The following TLE2 variants were observed in gnomAD, a reference collection of about 807,000 sequenced individuals.
TLE2 encodes the protein TLE family member 2, transcriptional corepressor.
Under a neutral mutation model 97.2 loss-of-function variants are expected in TLE2, and 74 were observed. The observed-to-expected ratio is 0.76, with a 90% confidence interval of 0.63 to 0.92. The LOEUF is 0.92. Among genes scored for constraint, TLE2 ranks in the 40% least tolerant of loss-of-function variants. TLE2 has a pLI of 0.00. For synonymous variants in TLE2, 499 were observed against 432.1 expected, an observed-to-expected ratio of 1.15 and a Z score of -1.92; for missense variants, 1,038 against 1,008.7, an observed-to-expected ratio of 1.03 and a Z score of -0.39.
chr19:3,018,841 C>T (rs1282390940), intron 7 of TLE2, among the ~76,000 whole-genome samples: 2 of 152,068 alleles, frequency 1.3e-5, no homozygotes, highest in African/African-American at 4.8e-5. Flanking sequence ...TGCTCTCGAA[C>T]TCCTGGCCTC....
At position 3,040,127 on chromosome 19, in the gene TLE2, A is replaced by G. The variant is rs151107177; in HGVS notation, c.63+5599T>C. Reference sequence around the variant, plus strand: ...TTCTGGTCATTGCAGCAACCCCATCACCCACACCACGTGTAACCCCTCTGT... The same window carrying G: ...TTCTGGTCATTGCAGCAACCCCATCGCCCACACCACGTGTAACCCCTCTGT... On this transcript the variant is annotated intron_variant, in intron 1 of 18. Coordinates refer to the TLE2 transcript ENST00000426948. Among the ~76,000 whole-genome samples, 500 of 152,018 alleles carry G rather than the reference A, an allele frequency of 3.3e-3. 7 individuals are homozygous for G. The highest frequency in any genetic ancestry group is 4.5e-3 in the Non-Finnish European group (309 of 67,954).
chr19:3,029,341 GCCCCGCGCCCACCCCCGCGCACCGCCCCT>G (rs1424792392), upstream of TLE2: 1 of 134,684 alleles, frequency 7.4e-6, no homozygotes, highest in Non-Finnish European at 1.6e-5. Context: ...CCCGCGGCCC[GCCCCGCGCCCACCCCCGCGCACCGCCCCT>G]CCCCGCGCCC....
At chr19:3,015,058 C>CAA (rs34658846) in intron 9 of TLE2, among the ~76,000 whole-genome samples, 23,163 of 130,152 alleles carry the variant, frequency 0.18, 2,472 homozygotes, top group African/African-American at 0.24. Flanking sequence ...AATTCATTGC[C>CAA]AAAAAAAAAA....
rs533321187 is a variant in TLE2, at chr19:3,006,583, C to G, written c.1337G>C (p.Arg446Pro). The G allele has an allele frequency of 6.2e-7, 1 of 1,605,920 alleles. No homozygotes were observed. Among genetic ancestry groups the G allele is most frequent in the East Asian group, 2.2e-5 (1 of 44,472 alleles). ...CAGCGTGTGCAGCTGCCGGGCGTGC[C>G]GCGGGATGCCCGCGCCTACCAGTGC... ...SDALVGAGIP[R>P]HARQLHTLAH... Residue 446 changes from arginine (R) to proline (P), a missense_variant, in exon 15 of 20, where the codon CGG becomes CCG. By Grantham distance (103) the Arg-to-Pro change is moderately radical. Coordinates refer to ENST00000262953, the MANE Select transcript of TLE2 (RefSeq NM_003260.5).
intron 1 of TLE2, among the ~76,000 whole-genome samples, chr19:3,040,642 C>A (rs1451213905): frequency 6.6e-6 from 1 of 150,398 alleles, no homozygotes; most frequent in Non-Finnish European, 1.5e-5. Context: ...CCCGGCACAG[C>A]ATTTTGTTTT....
chr19:3,025,318 C>A, intron 4 of TLE2: 1 of 1,283,848 alleles, frequency 7.8e-7, no homozygotes, highest in Non-Finnish European at 1.0e-6. Context: ...AAGACCAGGG[C>A]TGAGGTCCTA....
intron 14 of TLE2, among the ~76,000 whole-genome samples, chr19:3,008,432 G>T (rs1190068243): frequency 6.6e-6 from 1 of 151,636 alleles, no homozygotes; most frequent in African/African-American, 2.4e-5. Flanking sequence ...AGTAGCTTAT[G>T]CAAGAGACTT....
At chr19:3,000,832 T>C (rs1195209789) in intron 18 of TLE2, 109 bp from the exon 19 acceptor site, 2 of 748,142 alleles carry the variant, frequency 2.7e-6, no homozygotes, top group Non-Finnish European at 4.3e-6. Flanking sequence ...CCCTTTTTTT[T>C]TTTTTTTTTC....
chr19:3,027,723 G>A (rs774295464), intron 4 of TLE2, 106 bp downstream of exon 4: 83 of 1,103,442 alleles, frequency 7.5e-5, no homozygotes, highest in Non-Finnish European at 9.3e-5. Context: ...GATGAGACCC[G>A]TGTTCCCTAG....
intron 1 of TLE2, 25 bp downstream of exon 1, chr19:3,028,856 C>T: frequency 1.2e-6 from 2 of 1,611,550 alleles, no homozygotes; most frequent in Non-Finnish European, 8.5e-7. Context: ...ACACTGGGGG[C>T]CCCCTCCCCG....
At position 3,036,330 on chromosome 19, in the gene TLE2, C is replaced by T. The variant is rs530407827; in HGVS notation, c.64-7527G>A. 1.3e-4 allele frequency among the ~76,000 whole-genome samples: 20 copies of T among 152,372 alleles called. No individual in the cohort carries two copies. In the South Asian group the frequency reaches 3.9e-3, roughly 30 times the overall value. ...CAATCAAAGTAACGTGGGTACCTCT[C>T]CGGCCCGCGCTCTCCCGCCCGTCGC... On this transcript the variant is annotated intron_variant, in intron 1 of 18. Transcript: ENST00000426948.
intron 8 of TLE2, among the ~76,000 whole-genome samples, chr19:3,017,452 C>CTTTTTTT (rs529847551): frequency 1.3e-4 from 16 of 123,824 alleles, no homozygotes; most frequent in East Asian, 4.6e-4. Context: ...TTCTTTCTTT[C>CTTTTTTT]TTTTTTTTTT....
chr19:3,038,131 A>T (rs1199558804), intron 1 of TLE2, among the ~76,000 whole-genome samples: 3 of 152,244 alleles, frequency 2.0e-5, no homozygotes, highest in African/African-American at 7.2e-5. Flanking sequence ...CAAAAAAATA[A>T]TAATAACAAT....
intron 1 of TLE2, among the ~76,000 whole-genome samples, chr19:3,036,873 C>T (rs1214886555): frequency 6.6e-6 from 1 of 151,876 alleles, no homozygotes; most frequent in East Asian, 1.9e-4. Context: ...CCCCTGTGGT[C>T]GGGGTTGGGG....
In TLE2 at chr19:3,005,718, C is replaced by A; in HGVS notation, c.1748+3G>T. On this transcript the variant is annotated splice_donor_region_variant and intron_variant, in intron 16 of 19. Coordinates refer to ENST00000262953, the MANE Select transcript of TLE2 (RefSeq NM_003260.5). ...CCAAGGTCCCAGCGCACCTGCCACC[C>A]ACCTGACCATAGTCTGATTCTGCAG... The A allele has an allele frequency of 6.2e-7, 1 of 1,612,366 alleles. No individual in the cohort carries two copies. Among genetic ancestry groups the A allele is most frequent in the East Asian group, 2.2e-5 (1 of 44,840 alleles).
At chr19:3,005,627 T>G (rs2089457399) in intron 16 of TLE2, 43 bp from the exon 17 acceptor site, 1 of 1,610,476 alleles carries the variant, frequency 6.2e-7, no homozygotes, top group Non-Finnish European at 8.5e-7. Flanking sequence ...GAATTCGAGC[T>G]GCCCCAGCAT....
intron 5 of TLE2, among the ~76,000 whole-genome samples, chr19:3,022,521 T>A (rs2089864837): frequency 6.7e-6 from 1 of 150,328 alleles, no homozygotes; most frequent in Middle Eastern, 3.4e-3. Context: ...AGAGCAAGAC[T>A]CTGTCTCAAA....
Position 3,006,203 on chromosome 19 carries a change from T to A in TLE2, c.1500+217A>T, listed in dbSNP as rs1457733686. Reference sequence around the variant, plus strand: ...ACCCATGGTTGGCCTGCAAACCCTGTCCTGATTGTCTTGCAAGTCCAATTC... The same window carrying A: ...ACCCATGGTTGGCCTGCAAACCCTGACCTGATTGTCTTGCAAGTCCAATTC... On this transcript the variant is annotated intron_variant, in intron 15 of 19. Transcript: ENST00000262953. 3 of 983,076 alleles carry A rather than the reference T, an allele frequency of 3.1e-6. No individual in the cohort carries two copies. The African/African-American group carries it at 4.8e-5, about 16-fold the overall frequency. 60.9% of individuals were successfully genotyped at this position (983,076 alleles called of 1,614,324 possible).
upstream of TLE2, among the ~76,000 whole-genome samples, chr19:3,032,555 G>A (rs1286789017): frequency 1.3e-5 from 2 of 152,140 alleles, no homozygotes; most frequent in Non-Finnish European, 2.9e-5. This position sits in a 1 kb window ranked among gnomAD's most constrained non-coding sequence, Gnocchi z 4.1. Context: ...TGTTTTGGAT[G>A]TGAGTATGTT....
Sources: gnomAD v4.1 joint callset for allele counts (sites outside exome capture counted in the v4.1 genomes callset) on GRCh38, gnomAD v4.1.1 for gene constraint, Gnocchi (gnomAD v3.1) non-coding constraint, MANE v1.5 for transcripts, NCBI Gene and HGNC (gene_info 2026-07-23, HGNC 2026-07-21) for gene names.